The following CTDSPL2 variants were observed in gnomAD, a reference collection of about 807,000 sequenced individuals.
CTDSPL2 encodes CTD small phosphatase like 2.
CTDSPL2 carries 5 observed loss-of-function variants against 60.0 expected under a neutral mutation model. That is an observed-to-expected ratio of 0.08 (90% CI 0.04 to 0.18). CTDSPL2 has a LOEUF of 0.18. CTDSPL2 is among the 10% of genes least tolerant of loss of function. The pLI, the probability that CTDSPL2 is intolerant of heterozygous loss-of-function variation, is 1.00. For synonymous variants in CTDSPL2, 186 were observed against 189.3 expected (o/e 0.98, Z 0.14); for missense variants, 370 against 548.8 (o/e 0.67, Z 3.26).
Position 44,525,683 on chromosome 15 carries a change from A to G in CTDSPL2, c.*1509A>G. 2.6e-6 allele frequency: 1 copy of G among 391,528 alleles called. No individual in the cohort carries two copies. The highest frequency in any genetic ancestry group is 4.5e-6 in the Non-Finnish European group (1 of 221,604). 24.3% of individuals were successfully genotyped at this position (391,528 alleles called of 1,614,324 possible). On this transcript the variant is annotated 3_prime_UTR_variant, in exon 13 of 13. Coordinates refer to ENST00000260327, the MANE Select transcript of CTDSPL2 (RefSeq NM_016396.3). ...CCTGTTTACTTGTACAACTTACTGT[A>G]CAAATTACATGCAGCTTCATTTTCA...
chr15:44,494,667 T>C (rs1797292146), intron 5 of CTDSPL2, among the ~76,000 whole-genome samples: 1 of 151,916 alleles, frequency 6.6e-6, no homozygotes, highest in Admixed American at 6.5e-5. Flanking sequence ...CCCTGCACTT[T>C]GCGAGGCCGG....
intron 2 of CTDSPL2, among the ~76,000 whole-genome samples, chr15:44,467,062 G>C (rs2080711589): frequency 6.6e-6 from 1 of 152,182 alleles, no homozygotes; most frequent in Non-Finnish European, 1.5e-5. Context: ...TAAAAATAGA[G>C]TATTATAATC....
intron 2 of CTDSPL2, 28 bp from the exon 3 acceptor site, chr15:44,484,196 T>G: frequency 1.3e-6 from 2 of 1,575,740 alleles, no homozygotes; most frequent in Non-Finnish European, 1.7e-6. Flanking sequence ...TTGTGCTTAG[T>G]GTGTTTTTTT....
chr15:44,502,038 CACAT>C (rs2081389248), intron 8 of CTDSPL2: 1 of 447,476 alleles, frequency 2.2e-6, no homozygotes, highest in Non-Finnish European at 4.5e-6. Flanking sequence ...TTGGAGAAAC[CACAT>C]TATTAGGTAA....
chr15:44,448,149 C>T, intron 1 of CTDSPL2: 1 of 258,318 alleles, frequency 3.9e-6, no homozygotes, highest in Non-Finnish European at 8.0e-6. Context: ...CACCAGAGCC[C>T]ATGTGCTCAA....
At chr15:44,436,923 T>G (rs1046869851) in intron 1 of CTDSPL2, among the ~76,000 whole-genome samples, 1 of 152,198 alleles carries the variant, frequency 6.6e-6, no homozygotes, top group African/African-American at 2.4e-5. Context: ...TTTTTTTGGA[T>G]TTTGGAATAT....
chr15:44,507,827 A>T (rs1282832326), intron 8 of CTDSPL2, among the ~76,000 whole-genome samples: 2 of 152,232 alleles, frequency 1.3e-5, no homozygotes, highest in African/African-American at 2.4e-5. Flanking sequence ...AAACAATGAG[A>T]TAGATAATAA....
At chr15:44,459,233 A>G in intron 2 of CTDSPL2, 33 bp downstream of exon 2, 1 of 1,523,716 alleles carries the variant, frequency 6.6e-7, no homozygotes, top group Non-Finnish European at 8.9e-7. Flanking sequence ...TCATATCATT[A>G]AAAGTGAAAA....
At chr15:44,489,555 G>A (rs2081182242) in intron 4 of CTDSPL2, among the ~76,000 whole-genome samples, 1 of 152,204 alleles carries the variant, frequency 6.6e-6, no homozygotes, top group Admixed American at 6.5e-5. Context: ...AGGCTTCAGA[G>A]GTGAAGTTTC....
intron 1 of CTDSPL2, among the ~76,000 whole-genome samples, chr15:44,446,426 G>A (rs973871667): frequency 2.0e-5 from 3 of 152,154 alleles, no homozygotes; most frequent in South Asian, 4.2e-4. Flanking sequence ...TCAGGTGTTC[G>A]AAACCGCCCT....
chr15:44,434,542 C>T lies in CTDSPL2; in HGVS notation c.-25+6770C>T, dbSNP rs532128074. Among the ~76,000 whole-genome samples the T allele has an allele frequency of 8.5e-5, 13 of 152,278 alleles. No individual in the cohort carries two copies. The East Asian group carries it at 2.1e-3, about 25-fold the overall frequency. Reference sequence around the variant, plus strand: ...CCAAGTAGTTGGAACTACAGGTGTGCACCACCACGCCTGGCCAAGTTTTAA... The same window carrying T: ...CCAAGTAGTTGGAACTACAGGTGTGTACCACCACGCCTGGCCAAGTTTTAA... On this transcript the variant is annotated intron_variant, in intron 1 of 12. Transcript: ENST00000260327.
intron 1 of CTDSPL2, chr15:44,448,325 G>T: frequency 3.7e-6 from 1 of 267,818 alleles, no homozygotes. Context: ...CGCTCCCTGT[G>T]GGAGCCTTTG....
chr15:44,510,908 G>A (rs755070554), intron 8 of CTDSPL2, among the ~76,000 whole-genome samples: 3 of 152,180 alleles, frequency 2.0e-5, no homozygotes, highest in African/African-American at 4.8e-5. Flanking sequence ...ACAGTACGTA[G>A]TGCTTCTTGA....
Position 44,441,096 on chromosome 15 carries a change from C to A in CTDSPL2, c.-25+13324C>A, listed in dbSNP as rs149898032. 6.3e-3 allele frequency among the ~76,000 whole-genome samples: 959 copies of A among 152,210 alleles called. 2 individuals carry two copies. The highest frequency in any genetic ancestry group is 0.031 in the Middle Eastern group (9 of 294). Reference sequence around the variant, plus strand: ...GCCAGACTGCAATTTTTATCTTTGTCGGTGTTATCTGGAAAAGAGTTTCTC... The same window carrying A: ...GCCAGACTGCAATTTTTATCTTTGTAGGTGTTATCTGGAAAAGAGTTTCTC... On this transcript the variant is annotated intron_variant, in intron 1 of 12. Coordinates refer to ENST00000260327, the MANE Select transcript of CTDSPL2 (RefSeq NM_016396.3).
At chr15:44,501,433 C>T (rs2081379571) in intron 8 of CTDSPL2, among the ~76,000 whole-genome samples, 1 of 152,024 alleles carries the variant, frequency 6.6e-6, no homozygotes, top group African/African-American at 2.4e-5. Flanking sequence ...TCAGTATGAT[C>T]ATAAAATTGA....
chr15:44,444,713 T>C (rs200863784), intron 1 of CTDSPL2, among the ~76,000 whole-genome samples: 3 of 151,036 alleles, frequency 2.0e-5, no homozygotes, highest in East Asian at 3.9e-4. Context: ...TAATTTTCTA[T>C]GTAGTATAAG....
intron 1 of CTDSPL2, among the ~76,000 whole-genome samples, chr15:44,435,310 G>A (rs2079954465): frequency 6.7e-6 from 1 of 150,234 alleles, no homozygotes; most frequent in Non-Finnish European, 1.5e-5. Context: ...TGGCTCACGC[G>A]TGTAATCCCA....
At chr15:44,522,614 G>A (rs1232618652) in intron 12 of CTDSPL2, among the ~76,000 whole-genome samples, 2 of 152,008 alleles carry the variant, frequency 1.3e-5, no homozygotes, top group Admixed American at 6.6e-5. Context: ...TGAGCTGGGC[G>A]TAGTGGTGGG....
chr15:44,482,529 T>G (rs928248580), intron 2 of CTDSPL2, among the ~76,000 whole-genome samples: 6 of 152,174 alleles, frequency 3.9e-5, no homozygotes, highest in Non-Finnish European at 8.8e-5. Flanking sequence ...TGCTGTATTA[T>G]TTCTGTTCTT....
Sources: allele counts gnomAD v4.1 joint callset (sites outside exome capture counted in the v4.1 genomes callset), GRCh38; gene constraint gnomAD v4.1.1; transcripts MANE v1.5; gene names NCBI Gene and HGNC (gene_info 2026-07-23, HGNC 2026-07-21).